BDP1: variants seen among roughly 807,000 people sequenced by gnomAD.
The protein encoded by BDP1 is transcription factor TFIIIB component B'' homolog.
A neutral mutation model predicts 266.6 loss-of-function variants in BDP1; 169 were observed. That is an observed-to-expected ratio of 0.63 (90% CI 0.56 to 0.72). The LOEUF is 0.72. Among genes scored for constraint, BDP1 ranks in the 30% least tolerant of loss-of-function variants. BDP1 has a pLI of 0.00. For synonymous variants in BDP1, 1,090 were observed against 1,022.4 expected (o/e 1.07, Z -1.26); for missense variants, 3,015 against 3,053.8 (o/e 0.99, Z 0.30).
intron 37 of BDP1, 136 bp downstream of exon 37, chr5:71,560,373 T>G (rs749327492): frequency 9.9e-7 from 1 of 1,011,014 alleles, no homozygotes; most frequent in Non-Finnish European, 1.4e-6. Flanking sequence ...AAGGAAAAAG[T>G]TTCAGCCAAG....
At chr5:71,555,290 T>G (rs1743134751) in intron 35 of BDP1, among the ~76,000 whole-genome samples, 1 of 152,218 alleles carries the variant, frequency 6.6e-6, no homozygotes, top group African/African-American at 2.4e-5. Flanking sequence ...TTATTTCCAC[T>G]GATAGGAAAT....
At chr5:71,564,219 T>C (rs1405146036) in intron 38 of BDP1, among the ~76,000 whole-genome samples, 1 of 152,190 alleles carries the variant, frequency 6.6e-6, no homozygotes, top group East Asian at 1.9e-4. Flanking sequence ...GTCATTCGTG[T>C]GCCAATACCA....
intron 2 of BDP1, among the ~76,000 whole-genome samples, chr5:71,459,575 A>C (rs1176618131): frequency 6.6e-6 from 1 of 152,206 alleles, no homozygotes; most frequent in Non-Finnish European, 1.5e-5. Context: ...ACTATGGAAA[A>C]TTACAAGTGG....
At position 71,465,623 on chromosome 5, in the gene BDP1, C is replaced by G. The variant is rs193262474; in HGVS notation, c.660-473C>G. Among the ~76,000 whole-genome samples the G allele has an allele frequency of 3.4e-3, 525 of 152,306 alleles. 3 individuals carry two copies. Among genetic ancestry groups the G allele is most frequent in the African/African-American group, 0.012 (495 of 41,562 alleles). ...TTGGGCCAGGCACGGTGGCTCACGCCTGTAATCCCGGCACTTTGGGAGGCT... is the reference window on the plus strand; with the variant it reads ...TTGGGCCAGGCACGGTGGCTCACGCGTGTAATCCCGGCACTTTGGGAGGCT... On this transcript the variant is annotated intron_variant, in intron 4 of 38. Coordinates refer to ENST00000358731, the MANE Select transcript of BDP1 (RefSeq NM_018429.3).
At chr5:71,561,427 C>A (rs1029671878) in intron 37 of BDP1, among the ~76,000 whole-genome samples, 8 of 152,236 alleles carry the variant, frequency 5.3e-5, no homozygotes, top group Non-Finnish European at 1.2e-4. Context: ...AAAATAATAA[C>A]ATCATGAGAG....
chr5:71,561,307 A>G (rs912991518), intron 37 of BDP1, among the ~76,000 whole-genome samples: 3 of 151,880 alleles, frequency 2.0e-5, no homozygotes, highest in African/African-American at 7.3e-5. Flanking sequence ...AGGCTGAGGC[A>G]GGAGAATCGC....
At chr5:71,488,074 C>G (rs943408319) in intron 9 of BDP1, among the ~76,000 whole-genome samples, 8 of 151,866 alleles carry the variant, frequency 5.3e-5, no homozygotes, top group Non-Finnish European at 1.2e-4. Flanking sequence ...GATTATGTAT[C>G]TTCTTGTATG....
rs1003263626 is a variant in BDP1 at position 71,498,011 on chromosome 5, C to T, written c.1956+585C>T. On this transcript the variant is annotated intron_variant, in intron 13 of 38. Transcript: ENST00000358731. ...TGTCTCCCAGGCTGGAGTGCAGTGGCGTGATCTTGGCTCACTACAAGCTCT... is the reference window on the plus strand; with the variant it reads ...TGTCTCCCAGGCTGGAGTGCAGTGGTGTGATCTTGGCTCACTACAAGCTCT... Among the ~76,000 whole-genome samples, 15 of 151,494 alleles carry T rather than the reference C, an allele frequency of 9.9e-5. No individual in the cohort carries two copies. The East Asian group carries it at 1.8e-3, about 18-fold the overall frequency.
intron 16 of BDP1, among the ~76,000 whole-genome samples, chr5:71,507,958 T>C (rs1305292386): frequency 6.6e-6 from 1 of 152,154 alleles, no homozygotes; most frequent in Non-Finnish European, 1.5e-5. Context: ...TAGCATACTT[T>C]TGTTGTTTTG....
At chr5:71,469,358 G>A (rs927919964) in intron 6 of BDP1, among the ~76,000 whole-genome samples, 1 of 150,670 alleles carries the variant, frequency 6.6e-6, no homozygotes, top group African/African-American at 2.4e-5. Flanking sequence ...AGGATGGTCT[G>A]GAACTCCTGA....
chr5:71,469,419 C>T (rs1240288883), intron 6 of BDP1, among the ~76,000 whole-genome samples: 8 of 151,986 alleles, frequency 5.3e-5, no homozygotes, highest in South Asian at 4.2e-4. Flanking sequence ...TATTTACAAG[C>T]GTGAGCCACC....
chr5:71,511,172 T>C (rs1441918343), intron 17 of BDP1, 21 bp downstream of exon 17: 1 of 1,569,750 alleles, frequency 6.4e-7, no homozygotes, highest in East Asian at 2.3e-5. Context: ...TTCTGTCCTT[T>C]AAAAGTTTTT....
chr5:71,543,851 A>G (rs10942682), intron 30 of BDP1, among the ~76,000 whole-genome samples: 120,298 of 152,094 alleles, frequency 0.79, 48,068 homozygotes, highest in East Asian at 0.87. Context: ...GTTATTCACA[A>G]TATTGCACTA....
intron 18 of BDP1, 59 bp from the exon 19 acceptor site, chr5:71,513,126 A>G: frequency 8.2e-7 from 1 of 1,214,630 alleles, no homozygotes; most frequent in Non-Finnish European, 1.2e-6. Context: ...TTGTACTGAG[A>G]CTCCGTTTCC....
chr5:71,488,121 C>G (rs1299761287), intron 9 of BDP1, among the ~76,000 whole-genome samples: 1 of 152,020 alleles, frequency 6.6e-6, no homozygotes, highest in South Asian at 2.1e-4. Flanking sequence ...CTGTATCTTA[C>G]TTAATGTAAG....
intron 7 of BDP1, among the ~76,000 whole-genome samples, chr5:71,478,298 A>G (rs940750096): frequency 1.3e-5 from 2 of 152,056 alleles, no homozygotes. Flanking sequence ...CTCTCTCTCT[A>G]CATATAGATA....
At chr5:71,573,023 G>A in the BDP1 span, among the ~76,000 whole-genome samples, 2,343 of 152,162 alleles carry the variant, frequency 0.015, 63 homozygotes, top group African/African-American at 0.053. Context: ...GAGGTTAGGA[G>A]TTCAAAACCA....
At chr5:71,490,637 A>G (rs920505370) in intron 10 of BDP1, among the ~76,000 whole-genome samples, 2 of 152,212 alleles carry the variant, frequency 1.3e-5, no homozygotes, top group African/African-American at 4.8e-5. Context: ...AGTACTTAAT[A>G]AATGATAGCT....
chr5:71,477,227 A>G (rs994254056), intron 7 of BDP1, among the ~76,000 whole-genome samples: 1 of 150,384 alleles, frequency 6.6e-6, no homozygotes, highest in African/African-American at 2.4e-5. Flanking sequence ...GTGCAACCAT[A>G]GCTCACTGCC....
Sources: gnomAD v4.1 joint callset for allele counts (sites outside exome capture counted in the v4.1 genomes callset) on GRCh38, gnomAD v4.1.1 for gene constraint, MANE v1.5 for transcripts, NCBI Gene and HGNC (gene_info 2026-07-23, HGNC 2026-07-21) for gene names.